Variants in SHANK2 observed in about 807,000 individuals in gnomAD.
SHANK2 encodes SH3 and multiple ankyrin repeat domains 2, also known as SH3 and multiple ankyrin repeat domains protein 2.
SHANK2 carries 43 observed loss-of-function variants against 133.7 expected under a neutral mutation model. The ratio of observed to expected loss-of-function variants is 0.32; its 90% CI spans 0.25 to 0.41. SHANK2 has a LOEUF of 0.41. Among genes scored for constraint, SHANK2 ranks in the 10% least tolerant of loss-of-function variants. The probability of loss-of-function intolerance (pLI) is 1.00; values close to 1 mark genes in which losing one functional copy is unlikely to be tolerated. For synonymous variants in SHANK2, 1,017 were observed against 952.8 expected, an observed-to-expected ratio of 1.07 and a Z score of -1.24; for missense variants, 1,994 against 2,235.8, an observed-to-expected ratio of 0.89 and a Z score of 2.18.
intron 6 of SHANK2, among the ~76,000 whole-genome samples, chr11:71,103,965 C>A (rs1025814758): frequency 2.0e-5 from 3 of 151,466 alleles, no homozygotes; most frequent in Admixed American, 6.6e-5. Context: ...ATGCAATGCA[C>A]CTGCTCTCCC....
chr11:70,485,789 G>T lies in SHANK2; in HGVS notation c.4504C>A (p.His1502Asn). ...EEVDSRSSSDHHLETTSTIST... is the reference protein window; with the variant it reads ...EEVDSRSSSDNHLETTSTIST... ...ATAGTGCTGGTCGTCTCGAGGTGGT[G>T]GTCGCTGCTACTCCGGCTGTCCACC... The change falls in exon 25 of 26, where the codon CAC becomes AAC. Residue 1502 changes from histidine (H) to asparagine (N), a missense_variant. By Grantham distance (68) the His-to-Asn change is moderately conservative. Around this residue, in one of 5 missense-constraint regions of SHANK2, gnomAD observed 797 missense variants for 907.4 expected, o/e 0.88. Transcript: ENST00000601538. The surrounding 1 kb of genome is among the most constrained non-coding windows in gnomAD (Gnocchi z 5.8). The T allele has an allele frequency of 6.2e-7, 1 of 1,613,980 alleles. No homozygotes were observed. The highest frequency in any genetic ancestry group is 1.3e-5 in the African/African-American group (1 of 75,000).
intron 17 of SHANK2, 80 bp from the exon 18 acceptor site, chr11:70,503,011 T>C (rs2059083397): frequency 5.3e-6 from 8 of 1,514,784 alleles, no homozygotes; most frequent in South Asian, 1.1e-5. Flanking sequence ...GGCAGAGACA[T>C]GTGGGCTCCT....
rs377165097 is a variant in SHANK2, at chr11:70,816,942, C to T, written c.1493+3422G>A. Among the ~76,000 whole-genome samples, 147 of 152,332 alleles carry T rather than the reference C, an allele frequency of 9.6e-4. 2 individuals are homozygous for T. The South Asian group carries it at 0.013, about 14-fold the overall frequency. On this transcript the variant is annotated intron_variant, in intron 12 of 25. Coordinates refer to ENST00000601538, the MANE Select transcript of SHANK2 (RefSeq NM_012309.5). ...CGGCTATGTCACCTGAATGTCCCTG[C>T]GCCCAGCATGGGCCTGGGTAACTGC...
chr11:70,632,683 G>A (rs1555002664), intron 17 of SHANK2, among the ~76,000 whole-genome samples: 3 of 152,004 alleles, frequency 2.0e-5, no homozygotes, highest in African/African-American at 7.2e-5. Flanking sequence ...CCTCCCACCC[G>A]CCCTGAGCAC....
intron 14 of SHANK2, among the ~76,000 whole-genome samples, chr11:70,773,942 C>T (rs1469661992): frequency 6.6e-6 from 1 of 152,202 alleles, no homozygotes; most frequent in Non-Finnish European, 1.5e-5. Flanking sequence ...GTTAAACCTA[C>T]AGTTCCCTTG....
intron 10 of SHANK2, among the ~76,000 whole-genome samples, chr11:70,911,760 C>T (rs529152939): frequency 6.6e-6 from 1 of 152,068 alleles, no homozygotes; most frequent in South Asian, 2.1e-4. Context: ...TCTCCTACCC[C>T]AAAATGACAA....
At chr11:70,579,105 C>T (rs1329167274) in intron 17 of SHANK2, among the ~76,000 whole-genome samples, 3 of 152,162 alleles carry the variant, frequency 2.0e-5, no homozygotes, top group Non-Finnish European at 4.4e-5. Context: ...ACACCCTAGG[C>T]CCTACTCTGA....
At chr11:70,877,865 A>G (rs1458520972) in intron 11 of SHANK2, among the ~76,000 whole-genome samples, 1 of 152,236 alleles carries the variant, frequency 6.6e-6, no homozygotes, top group Non-Finnish European at 1.5e-5. Context: ...CTGCACCAGG[A>G]AAGAACAGGT....
intron 17 of SHANK2, among the ~76,000 whole-genome samples, chr11:70,629,323 G>A (rs77826071): frequency 1.1e-3 from 170 of 152,256 alleles, no homozygotes; most frequent in African/African-American, 3.7e-3. Context: ...GACTGAAACC[G>A]CCTCTTTCGA....
intron 14 of SHANK2, among the ~76,000 whole-genome samples, chr11:70,794,426 T>C (rs1004884658): frequency 2.0e-5 from 3 of 152,046 alleles, no homozygotes; most frequent in African/African-American, 7.3e-5. Context: ...GCAAAATCTA[T>C]GGTGACAGAA....
chr11:70,903,114 T>C (rs1401689409), intron 10 of SHANK2, among the ~76,000 whole-genome samples: 1 of 152,138 alleles, frequency 6.6e-6, no homozygotes, highest in Non-Finnish European at 1.5e-5. Flanking sequence ...CAGTGGCTCA[T>C]GCCTGTAATC....
intron 2 of SHANK2, among the ~76,000 whole-genome samples, chr11:71,168,812 G>T (rs528146306): frequency 6.6e-6 from 1 of 151,968 alleles, no homozygotes; most frequent in South Asian, 2.1e-4. Context: ...GAGACCATGG[G>T]GAGAGGGAGA....
intron 10 of SHANK2, among the ~76,000 whole-genome samples, chr11:70,918,192 C>A (rs1950295829): frequency 1.3e-5 from 2 of 152,194 alleles, no homozygotes; most frequent in African/African-American, 2.4e-5. Flanking sequence ...AGAGATTCAT[C>A]TCCCAAAGGC....
At chr11:71,197,489 G>T (rs1249486840) in intron 2 of SHANK2, among the ~76,000 whole-genome samples, 1 of 152,192 alleles carries the variant, frequency 6.6e-6, no homozygotes, top group Admixed American at 6.5e-5. Context: ...GCAAGCTGAG[G>T]CCGCCAACAC....
At chr11:70,676,955 C>T (rs1389548094) in intron 15 of SHANK2, among the ~76,000 whole-genome samples, 7 of 152,148 alleles carry the variant, frequency 4.6e-5, no homozygotes, top group Admixed American at 2.6e-4. Context: ...TGGACTCAAC[C>T]GGTCTGAATT....
intron 14 of SHANK2, among the ~76,000 whole-genome samples, chr11:70,772,878 C>T (rs2002264): frequency 0.93 from 141,348 of 152,290 alleles, 66,508 homozygotes; most frequent in East Asian, 1. Flanking sequence ...GGTCACTTCT[C>T]TGCATTTCGC....
chr11:70,913,277 C>A (rs2135732433), intron 10 of SHANK2, among the ~76,000 whole-genome samples: 1 of 151,934 alleles, frequency 6.6e-6, no homozygotes, highest in South Asian at 2.1e-4. Context: ...AAATGATAGA[C>A]CCTATTATGA....
intron 2 of SHANK2, among the ~76,000 whole-genome samples, chr11:71,198,404 C>T (rs181746619): frequency 4.6e-5 from 7 of 152,300 alleles, no homozygotes; most frequent in African/African-American, 1.2e-4. Flanking sequence ...GTTCTCCCAG[C>T]CAGAGAATGG....
chr11:70,896,170 T>G (rs1555075654), intron 11 of SHANK2, among the ~76,000 whole-genome samples: 1 of 152,210 alleles, frequency 6.6e-6, no homozygotes, highest in Non-Finnish European at 1.5e-5. Flanking sequence ...AATTAAACAC[T>G]TCCTGTTCCT....
Sources: gnomAD v4.1 joint callset for allele counts (sites outside exome capture counted in the v4.1 genomes callset) on GRCh38, gnomAD v4.1.1 for gene constraint, gnomAD v4.1.1 regional missense constraint, Gnocchi (gnomAD v3.1) non-coding constraint, MANE v1.5 for transcripts, NCBI Gene and HGNC (gene_info 2026-07-23, HGNC 2026-07-21) for gene names.